The following FARS2 variants were observed in gnomAD, a reference collection of about 807,000 sequenced individuals.
FARS2 encodes phenylalanine--tRNA ligase, mitochondrial.
Under a neutral mutation model 46.4 loss-of-function variants are expected in FARS2, and 40 were observed. The observed-to-expected ratio is 0.86, with a 90% CI of 0.67 to 1.12. FARS2 has a LOEUF of 1.12. Ranked by LOEUF, FARS2 falls within the 50% of genes most tolerant of loss-of-function variation. The pLI is 0.00. For missense variants in FARS2, 513 were observed against 567.9 expected (o/e 0.90, Z 0.98); for synonymous variants, 234 against 214.9 (o/e 1.09, Z -0.78).
intron 4 of FARS2, among the ~76,000 whole-genome samples, chr6:5,433,316 C>T (rs1763337164): frequency 6.6e-6 from 1 of 152,280 alleles, no homozygotes; most frequent in South Asian, 2.1e-4. Context: ...GGGTCTGGCA[C>T]ACAGCAAGCA....
At chr6:5,334,667 C>T (rs140146956) in intron 1 of FARS2, among the ~76,000 whole-genome samples, 39 of 152,170 alleles carry the variant, frequency 2.6e-4, no homozygotes, top group Middle Eastern at 3.4e-3. Flanking sequence ...GGAAGATGGG[C>T]ATGTATACTT....
chr6:5,579,583 G>GT (rs1326974015), intron 5 of FARS2, among the ~76,000 whole-genome samples: 2 of 152,152 alleles, frequency 1.3e-5, no homozygotes, highest in African/African-American at 2.4e-5. Flanking sequence ...CTATTATGAG[G>GT]TTTTAATGCC....
intron 2 of FARS2, among the ~76,000 whole-genome samples, chr6:5,385,850 T>G (rs1386118458): frequency 3.3e-5 from 5 of 152,164 alleles, no homozygotes; most frequent in Non-Finnish European, 7.4e-5. Context: ...TCATCACAGT[T>G]ACGGCCTGTG....
At chr6:5,256,125 C>A (rs552050436), upstream of FARS2, among the ~76,000 whole-genome samples, 7 of 151,816 alleles carry the variant, frequency 4.6e-5, no homozygotes, top group Middle Eastern at 3.2e-3. Flanking sequence ...TTAGTGGCTA[C>A]GGATGCTATT....
rs754409124 is a variant in FARS2 at position 5,771,463 on chromosome 6, G to A, written c.*34G>A. ...CTTCACTCAGGCTGCAGCCCTCTTG[G>A]GGCTCCAGGATTTGCTGAAAGAGAA... On this transcript the variant is annotated 3_prime_UTR_variant, in exon 7 of 7. Transcript: ENST00000274680. 5.7e-6 allele frequency: 9 copies of A among 1,584,138 alleles called. No individual in the cohort carries two copies. Among genetic ancestry groups the A allele is most frequent in the South Asian group, 4.7e-5 (4 of 86,020 alleles).
chr6:5,254,851 C>G, the FARS2 span, among the ~76,000 whole-genome samples: 1 of 152,296 alleles, frequency 6.6e-6, no homozygotes, highest in East Asian at 1.9e-4. Context: ...CCTGCTCTAT[C>G]GGTTATCTAC....
At chr6:5,581,982 G>C (rs1422844634) in intron 5 of FARS2, among the ~76,000 whole-genome samples, 23 of 86,598 alleles carry the variant, frequency 2.7e-4, no homozygotes, top group East Asian at 3.7e-4. Flanking sequence ...GTCACAGTAA[G>C]ATACTTCCGG....
Position 5,471,809 on chromosome 6 carries a change from C to T in FARS2, c.904+40637C>T, listed in dbSNP as rs1765820693. 6.6e-6 allele frequency among the ~76,000 whole-genome samples: 1 copy of T among 152,162 alleles called. No homozygotes were observed. The highest frequency in any genetic ancestry group is 1.5e-5 in the Non-Finnish European group (1 of 68,020). ...GCACATGGTGCGCCCCGTCTGACAC[C>T]AGGGCGACTTGAGAATTGAGCCCAG... On this transcript the variant is annotated intron_variant, in intron 4 of 6. Transcript: ENST00000274680. This position sits in a 1 kb window ranked among gnomAD's most constrained non-coding sequence, Gnocchi z 4.1.
intron 5 of FARS2, among the ~76,000 whole-genome samples, chr6:5,560,131 T>C (rs1017528869): frequency 3.3e-5 from 5 of 152,180 alleles, no homozygotes; most frequent in Non-Finnish European, 5.9e-5. Flanking sequence ...TATGGTGATA[T>C]AAAATTAAAA....
At chr6:5,749,593 G>A (rs966003281) in intron 6 of FARS2, among the ~76,000 whole-genome samples, 4 of 152,182 alleles carry the variant, frequency 2.6e-5, no homozygotes, top group Non-Finnish European at 4.4e-5. Context: ...ACCCTGGCCC[G>A]TGCCTTCTGT....
chr6:5,756,332 C>G (rs1762203254), intron 6 of FARS2, among the ~76,000 whole-genome samples: 1 of 152,164 alleles, frequency 6.6e-6, no homozygotes, highest in African/African-American at 2.4e-5. Flanking sequence ...TTAGTTCATT[C>G]TCACACTGCT....
intron 1 of FARS2, among the ~76,000 whole-genome samples, chr6:5,277,106 T>C (rs1178497737): frequency 1.3e-5 from 2 of 152,188 alleles, no homozygotes; most frequent in Non-Finnish European, 2.9e-5. Context: ...GATCAAATGG[T>C]GACTGAAGAA....
intron 4 of FARS2, among the ~76,000 whole-genome samples, chr6:5,478,844 C>T (rs991797187): frequency 7.2e-5 from 11 of 152,122 alleles, no homozygotes; most frequent in Non-Finnish European, 1.3e-4. Flanking sequence ...CCCAGGATTG[C>T]GTTATTCTCC....
At chr6:5,317,441 C>T (rs1046085149) in intron 1 of FARS2, among the ~76,000 whole-genome samples, 2 of 152,280 alleles carry the variant, frequency 1.3e-5, no homozygotes, top group Non-Finnish European at 1.5e-5. Flanking sequence ...ACAAGTGCTT[C>T]TGCAGCTCAG....
At chr6:5,607,281 ATGTATGTGTG>A (rs1166703559) in intron 5 of FARS2, among the ~76,000 whole-genome samples, 1,536 of 147,488 alleles carry the variant, frequency 0.01, 15 homozygotes, top group Non-Finnish European at 0.013. Flanking sequence ...AAAGAATAAT[ATGTATGTGTG>A]TGTGTGTGTG....
chr6:5,354,973 G>C (rs1757823166), intron 1 of FARS2, among the ~76,000 whole-genome samples: 1 of 151,952 alleles, frequency 6.6e-6, no homozygotes, highest in South Asian at 2.1e-4. Flanking sequence ...CACTGGTCTT[G>C]GGACTGTATT....
intron 2 of FARS2, among the ~76,000 whole-genome samples, chr6:5,384,516 C>T (rs1759994622): frequency 6.6e-6 from 1 of 152,186 alleles, no homozygotes; most frequent in Non-Finnish European, 1.5e-5. Flanking sequence ...TCTATTGTCC[C>T]TGGCCTCTGG....
At chr6:5,686,771 T>C (rs576846277) in intron 6 of FARS2, among the ~76,000 whole-genome samples, 4 of 152,352 alleles carry the variant, frequency 2.6e-5, no homozygotes, top group South Asian at 4.1e-4. Flanking sequence ...CCTGAGGAAT[T>C]GCCACACTGA....
At chr6:5,692,847 A>G (rs1757845306) in intron 6 of FARS2, among the ~76,000 whole-genome samples, 1 of 152,180 alleles carries the variant, frequency 6.6e-6, no homozygotes, top group Non-Finnish European at 1.5e-5. Context: ...CAGAAAGGCC[A>G]AATCAGGGGT....
Sources: allele counts gnomAD v4.1 joint callset (sites outside exome capture counted in the v4.1 genomes callset), GRCh38; gene constraint gnomAD v4.1.1; non-coding constraint Gnocchi (gnomAD v3.1); transcripts MANE v1.5; gene names NCBI Gene and HGNC (gene_info 2026-07-23, HGNC 2026-07-21).